MCC: variants seen among roughly 807,000 people sequenced by gnomAD.
MCC encodes MCC regulator of Wnt signaling pathway, also known as colorectal mutant cancer protein.
Under a neutral mutation model 116.2 loss-of-function variants are expected in MCC, and 90 were observed. The observed-to-expected ratio is 0.77, with a 90% CI of 0.65 to 0.92. MCC has a LOEUF of 0.92. MCC is among the 40% of genes least tolerant of loss of function. The pLI is 0.00. For missense variants in MCC, 1,516 were observed against 1,312.2 expected, an observed-to-expected ratio of 1.16 and a Z score of -2.40; for synonymous variants, 578 against 510.5, an observed-to-expected ratio of 1.13 and a Z score of -1.78.
At chr5:113,471,768 A>AGCCTACAGAGG (rs2150431595) in intron 1 of MCC, among the ~76,000 whole-genome samples, 1 of 44,782 alleles carries the variant, frequency 2.2e-5, no homozygotes, top group East Asian at 1.5e-3. Flanking sequence ...GCCCCCAGAG[A>AGCCTACAGAGG]GGCAGGCAGG....
intron 6 of MCC, 69 bp downstream of exon 6, chr5:113,122,615 C>T (rs1050278982): frequency 1.3e-6 from 2 of 1,573,852 alleles, no homozygotes; most frequent in African/African-American, 1.4e-5. Context: ...GGCTGCCTCA[C>T]ATTTCTAAAA....
chr5:113,188,895 G>C lies in MCC; in HGVS notation c.628-37473C>G, dbSNP rs553628459. On this transcript the variant is annotated intron_variant, in intron 3 of 18. Transcript: ENST00000408903. ...TCTAACTACAAAAACAGAGCAAAGA[G>C]TATTAGGAAGCCAGTATTAGCTAAC... 2.0e-5 allele frequency among the ~76,000 whole-genome samples: 3 copies of C among 152,314 alleles called. No homozygotes were observed. The South Asian group carries it at 6.2e-4, about 32-fold the overall frequency.
At chr5:113,424,747 C>T (rs1321179589) in intron 1 of MCC, among the ~76,000 whole-genome samples, 1 of 151,586 alleles carries the variant, frequency 6.6e-6, no homozygotes, top group Non-Finnish European at 1.5e-5. Flanking sequence ...AATTAGAAAG[C>T]ACACCCAGAG....
intron 1 of MCC, among the ~76,000 whole-genome samples, chr5:113,421,303 G>A (rs1438722620): frequency 2.0e-5 from 3 of 152,118 alleles, no homozygotes; most frequent in African/African-American, 7.2e-5. Context: ...GGGATTACAG[G>A]TGTGAGCCAC....
chr5:113,318,584 A>C lies in MCC; in HGVS notation c.627+21935T>G, dbSNP rs572822043. ...CCTTAGCAAACTAACGCAGGAACAG[A>C]AAAACAAATACTGCACGTTCTTACT... On this transcript the variant is annotated intron_variant, in intron 3 of 18. Transcript: ENST00000408903. Among the ~76,000 whole-genome samples, 4 of 152,342 alleles carry C rather than the reference A, an allele frequency of 2.6e-5. No homozygotes were observed. In the South Asian group the frequency reaches 8.3e-4, roughly 32 times the overall value.
intron 8 of MCC, among the ~76,000 whole-genome samples, chr5:113,086,895 C>A (rs1016856762): frequency 1.3e-5 from 2 of 152,200 alleles, no homozygotes; most frequent in Non-Finnish European, 2.9e-5. Context: ...CCCAGGGATT[C>A]TGATTTAGCA....
chr5:113,315,042 GCTCTCCA>G (rs1240466313), intron 3 of MCC, among the ~76,000 whole-genome samples: 3 of 152,184 alleles, frequency 2.0e-5, no homozygotes, highest in Non-Finnish European at 4.4e-5. Context: ...CAAGAGCTTT[GCTCTCCA>G]TCAGTAAATA....
chr5:113,240,444 A>T (rs1193560582), intron 3 of MCC, among the ~76,000 whole-genome samples: 1 of 152,226 alleles, frequency 6.6e-6, no homozygotes, highest in Non-Finnish European at 1.5e-5. Flanking sequence ...ATCTGTTTAT[A>T]AGGCTTTGAA....
intron 1 of MCC, among the ~76,000 whole-genome samples, chr5:113,428,149 AG>A (rs1227724174): frequency 2.0e-5 from 3 of 152,210 alleles, no homozygotes; most frequent in Non-Finnish European, 4.4e-5. Flanking sequence ...AGCTGGCCAC[AG>A]CTCAGCATTT....
intron 1 of MCC, chr5:113,432,877 G>A (rs1232745545): frequency 1.3e-5 from 2 of 152,190 alleles, no homozygotes; most frequent in Non-Finnish European, 2.9e-5. Flanking sequence ...TTAAAAACAG[G>A]AATATAATTT....
chr5:113,370,448 G>T (rs1768811181), intron 2 of MCC, among the ~76,000 whole-genome samples: 1 of 152,162 alleles, frequency 6.6e-6, no homozygotes, highest in South Asian at 2.1e-4. Context: ...AGTATCAGAA[G>T]TGACCGTGGG....
intron 1 of MCC, among the ~76,000 whole-genome samples, chr5:113,410,006 A>G (rs1272139267): frequency 6.6e-6 from 1 of 152,240 alleles, no homozygotes; most frequent in African/African-American, 2.4e-5. Context: ...ATATTGATAG[A>G]TACAGAAATA....
chr5:113,291,043 T>C (rs113840967), intron 3 of MCC, among the ~76,000 whole-genome samples: 2,747 of 152,314 alleles, frequency 0.018, 32 homozygotes, highest in Middle Eastern at 0.027. Flanking sequence ...GGTCAATAAA[T>C]ACATAAAAAT....
At chr5:113,454,240 G>T (rs1771479442) in intron 1 of MCC, among the ~76,000 whole-genome samples, 1 of 152,260 alleles carries the variant, frequency 6.6e-6, no homozygotes, top group African/African-American at 2.4e-5. Context: ...TAGTAGCTGG[G>T]ACCACAGGCA....
intron 8 of MCC, among the ~76,000 whole-genome samples, chr5:113,095,952 G>A (rs1241786068): frequency 6.6e-6 from 1 of 152,144 alleles, no homozygotes; most frequent in East Asian, 1.9e-4. Context: ...TCCTTCATGG[G>A]GTGAGCTGGG....
At chr5:113,269,598 T>C (rs1038850958) in intron 3 of MCC, among the ~76,000 whole-genome samples, 6 of 152,228 alleles carry the variant, frequency 3.9e-5, no homozygotes, top group Non-Finnish European at 7.3e-5. Context: ...TACAGTCACA[T>C]GCTCAGGATG....
chr5:113,268,209 C>T (rs1765485466), intron 3 of MCC, among the ~76,000 whole-genome samples: 1 of 152,240 alleles, frequency 6.6e-6, no homozygotes, highest in South Asian at 2.1e-4. Context: ...CCACAAAGCA[C>T]CATCTTCCTA....
chr5:113,415,991 C>T (rs950912602), intron 1 of MCC, among the ~76,000 whole-genome samples: 2 of 152,088 alleles, frequency 1.3e-5, no homozygotes, highest in African/African-American at 2.4e-5. Context: ...GATGCTATTC[C>T]CTGTTGTTTG....
chr5:113,390,872 C>A (rs1303583192), intron 1 of MCC, among the ~76,000 whole-genome samples: 1 of 152,092 alleles, frequency 6.6e-6, no homozygotes, highest in Non-Finnish European at 1.5e-5. Context: ...TGAAAGACTA[C>A]AAAAAACATC....
Sources: gnomAD v4.1 joint callset for allele counts (sites outside exome capture counted in the v4.1 genomes callset) on GRCh38, gnomAD v4.1.1 for gene constraint, MANE v1.5 for transcripts, NCBI Gene and HGNC (gene_info 2026-07-23, HGNC 2026-07-21) for gene names.